Variants in GLIS3 observed in about 807,000 individuals in gnomAD.
The protein encoded by GLIS3 is GLIS family zinc finger 3, also known as zinc finger protein GLIS3.
A neutral mutation model predicts 78.6 loss-of-function variants in GLIS3; 53 were observed. The observed-to-expected ratio is 0.67, with a 90% CI of 0.54 to 0.85. The LOEUF (loss-of-function observed/expected upper bound fraction) is 0.85, where lower values mean the gene tolerates loss of function less well. Ranked by LOEUF, GLIS3 falls within the 40% of genes least tolerant of loss-of-function variation. The pLI is 0.00. For missense variants in GLIS3, 1,703 were observed against 1,231.1 expected, an observed-to-expected ratio of 1.38 and a Z score of -5.74; for synonymous variants, 684 against 509.9, an observed-to-expected ratio of 1.34 and a Z score of -4.60.
At chr9:4,007,466 G>A (rs1381783031) in intron 4 of GLIS3, among the ~76,000 whole-genome samples, 2 of 152,016 alleles carry the variant, frequency 1.3e-5, no homozygotes, top group African/African-American at 4.8e-5. Context: ...TCCATTTTCT[G>A]CCACAGGGAA....
chr9:4,211,407 A>G (rs1165423540), intron 2 of GLIS3, among the ~76,000 whole-genome samples: 3 of 152,224 alleles, frequency 2.0e-5, no homozygotes, highest in South Asian at 2.1e-4. Flanking sequence ...AAAGAGATCT[A>G]TCAAGCCTTG....
chr9:3,966,944 G>C (rs1335363828), intron 4 of GLIS3, among the ~76,000 whole-genome samples: 2 of 132,880 alleles, frequency 1.5e-5, no homozygotes, highest in African/African-American at 5.6e-5. Context: ...TCACCCCAGT[G>C]AGATTCCTCA....
intron 2 of GLIS3, among the ~76,000 whole-genome samples, chr9:4,142,143 T>C (rs978169565): frequency 2.6e-5 from 4 of 152,206 alleles, no homozygotes; most frequent in African/African-American, 9.6e-5. Context: ...AAAGCAACCA[T>C]AATACATATT....
the GLIS3 span, among the ~76,000 whole-genome samples, chr9:4,399,591 T>C: frequency 6.6e-6 from 1 of 152,244 alleles, no homozygotes; most frequent in African/African-American, 2.4e-5. Context: ...TTTAATCTTG[T>C]AATTTGTTAT....
At chr9:4,436,334 A>T in the GLIS3 span, among the ~76,000 whole-genome samples, 1 of 152,250 alleles carries the variant, frequency 6.6e-6, no homozygotes, top group Non-Finnish European at 1.5e-5. Flanking sequence ...TTAAATTAAT[A>T]TAAACAATAT....
At chr9:4,459,418 C>T in the GLIS3 span, among the ~76,000 whole-genome samples, 1 of 152,106 alleles carries the variant, frequency 6.6e-6, no homozygotes, top group Non-Finnish European at 1.5e-5. Flanking sequence ...AAGGAATAGC[C>T]AGTGAGGTAC....
rs376529287 is a variant in GLIS3 at position 4,254,307 on chromosome 9, A to T, written c.388+31731T>A. Among the ~76,000 whole-genome samples, 35 of 152,366 alleles carry T rather than the reference A, an allele frequency of 2.3e-4. No homozygotes were observed. In the East Asian group the frequency reaches 3.7e-3, roughly 16 times the overall value. ...AACAACATCAAAAACAATGCAAAGC[A>T]ACTTTACCAAGAAACGTGTTGGATC... is the stretch of plus-strand genomic sequence containing the variant. On this transcript the variant is annotated intron_variant, in intron 2 of 10. Coordinates refer to ENST00000381971, the MANE Select transcript of GLIS3 (RefSeq NM_001042413.2).
intron 8 of GLIS3, among the ~76,000 whole-genome samples, chr9:3,857,205 A>G (rs893232406): frequency 3.3e-5 from 5 of 152,220 alleles, no homozygotes; most frequent in Non-Finnish European, 7.3e-5. Flanking sequence ...GTTTCCTCAA[A>G]AAGTCCCAGT....
chr9:4,230,689 C>T (rs932016345), intron 2 of GLIS3, among the ~76,000 whole-genome samples: 1 of 152,096 alleles, frequency 6.6e-6, no homozygotes, highest in Non-Finnish European at 1.5e-5. Flanking sequence ...CATGGGGAAC[C>T]AGGTGAAAGT....
At chr9:4,364,664 GATA>G in the GLIS3 span, among the ~76,000 whole-genome samples, 2 of 147,576 alleles carry the variant, frequency 1.4e-5, no homozygotes, top group Admixed American at 6.8e-5. Context: ...CTAAAGATGA[GATA>G]ATGCTTATCT....
Position 3,856,189 on chromosome 9 carries a change from GA to G in GLIS3, c.2298-6del. ...GATGGAGCAGAAGGTGCAAACCTGA[GA>G]AAACAATTATAAAAGGAAACATGAG... On this transcript the variant is annotated splice_polypyrimidine_tract_variant and splice_region_variant and intron_variant, in intron 8 of 10. Transcript: ENST00000381971. 1 of 1,612,706 alleles carries G rather than the reference GA, an allele frequency of 6.2e-7. No homozygotes were observed. The highest frequency in any genetic ancestry group is 8.5e-7 in the Non-Finnish European group (1 of 1,179,328).
At chr9:4,240,785 C>G (rs970819440) in intron 2 of GLIS3, among the ~76,000 whole-genome samples, 2 of 152,114 alleles carry the variant, frequency 1.3e-5, no homozygotes, top group Non-Finnish European at 1.5e-5. Flanking sequence ...ATGAAATAAT[C>G]TGTACAACAA....
chr9:4,056,315 C>T (rs886238497), intron 4 of GLIS3, among the ~76,000 whole-genome samples: 2 of 152,202 alleles, frequency 1.3e-5, no homozygotes, highest in African/African-American at 4.8e-5. Flanking sequence ...ATTTCACTGT[C>T]ATAATGTAAA....
At chr9:4,451,809 G>C in the GLIS3 span, among the ~76,000 whole-genome samples, 1 of 151,988 alleles carries the variant, frequency 6.6e-6, no homozygotes, top group Non-Finnish European at 1.5e-5. Flanking sequence ...TGAGAACAAA[G>C]ACATTATGTA....
At chr9:4,235,008 T>G (rs1216808878) in intron 2 of GLIS3, among the ~76,000 whole-genome samples, 1 of 151,990 alleles carries the variant, frequency 6.6e-6, no homozygotes, top group Non-Finnish European at 1.5e-5. Flanking sequence ...AATAAAAATG[T>G]GATGAGGGAG....
At chr9:4,107,080 C>G (rs149655671) in intron 4 of GLIS3, among the ~76,000 whole-genome samples, 1 of 152,000 alleles carries the variant, frequency 6.6e-6, no homozygotes, top group Non-Finnish European at 1.5e-5. Context: ...GGAGCCAGCA[C>G]TGGAAAGAAA....
chr9:4,123,641 T>C, intron 3 of GLIS3: 1 of 384,736 alleles, frequency 2.6e-6, no homozygotes, highest in Non-Finnish European at 4.6e-6. Context: ...TAAAAGCTTA[T>C]AATATATTAA....
At chr9:3,921,342 C>T (rs1194049800) in intron 6 of GLIS3, among the ~76,000 whole-genome samples, 4 of 152,206 alleles carry the variant, frequency 2.6e-5, no homozygotes, top group African/African-American at 4.8e-5. Context: ...TCACTTGAAT[C>T]ACACAATCGC....
At chr9:4,460,321 T>G in the GLIS3 span, among the ~76,000 whole-genome samples, 1 of 152,180 alleles carries the variant, frequency 6.6e-6, no homozygotes, top group Non-Finnish European at 1.5e-5. Context: ...GGTTGAAAGT[T>G]CCAGTTTCAC....
Sources: gnomAD v4.1 joint callset for allele counts (sites outside exome capture counted in the v4.1 genomes callset) on GRCh38, gnomAD v4.1.1 for gene constraint, MANE v1.5 for transcripts, NCBI Gene and HGNC (gene_info 2026-07-23, HGNC 2026-07-21) for gene names.